The following LRP1B variants were observed in gnomAD, a reference collection of about 807,000 sequenced individuals.
LRP1B encodes low-density lipoprotein receptor-related protein 1B.
A neutral mutation model predicts 556.6 loss-of-function variants in LRP1B; 217 were observed. The observed-to-expected ratio is 0.39, with a 90% CI of 0.35 to 0.44. The LOEUF is 0.44. Among genes scored for constraint, LRP1B ranks in the 20% least tolerant of loss-of-function variants. The probability of loss-of-function intolerance (pLI) is 1.00; values close to 1 mark genes in which losing one functional copy is unlikely to be tolerated. For synonymous variants in LRP1B, 2,047 were observed against 1,865.8 expected (o/e 1.10, Z -2.50); for missense variants, 5,053 against 5,620.8 (o/e 0.90, Z 3.23).
intron 6 of LRP1B, among the ~76,000 whole-genome samples, chr2:141,221,010 G>T (rs1579100): frequency 0.089 from 13,512 of 152,150 alleles, 656 homozygotes; most frequent in South Asian, 0.13. Flanking sequence ...TAACAAGTCT[G>T]CAGAATAACC....
At chr2:140,404,167 T>A (rs1030428839) in intron 66 of LRP1B, among the ~76,000 whole-genome samples, 1 of 143,528 alleles carries the variant, frequency 7.0e-6, no homozygotes, top group Non-Finnish European at 1.5e-5. Context: ...AAATAGAACT[T>A]CTTTTTTTTT....
chr2:142,113,495 A>T (rs1336586428), intron 1 of LRP1B, among the ~76,000 whole-genome samples: 1 of 151,750 alleles, frequency 6.6e-6, no homozygotes, highest in Non-Finnish European at 1.5e-5. Context: ...CCACAAAAAA[A>T]AAAATGTAGC....
intron 45 of LRP1B, among the ~76,000 whole-genome samples, chr2:140,538,291 C>T (rs1341484826): frequency 3.9e-5 from 6 of 151,986 alleles, no homozygotes; most frequent in Non-Finnish European, 8.8e-5. Flanking sequence ...CTACATGATA[C>T]TGAGGTTTAA....
At position 141,521,373 on chromosome 2, in the gene LRP1B, TC is replaced by T. The variant is rs571418856; in HGVS notation, c.206-40841del. On this transcript the variant is annotated intron_variant, in intron 2 of 90. Coordinates refer to ENST00000389484, the MANE Select transcript of LRP1B (RefSeq NM_018557.3). ...AGTGTGAGGTTTCCAGTTTGTTCCT[TC>T]CTACCTTTCTTCCTCCCTCTTTTCC... Among the ~76,000 whole-genome samples the T allele has an allele frequency of 3.6e-4, 55 of 152,210 alleles. No homozygotes were observed. In the East Asian group the frequency reaches 0.011, roughly 29 times the overall value.
intron 12 of LRP1B, among the ~76,000 whole-genome samples, chr2:141,016,397 GAC>G (rs955014706): frequency 5.3e-5 from 8 of 152,178 alleles, no homozygotes; most frequent in African/African-American, 1.9e-4. Context: ...GATTCTTTAA[GAC>G]AGGTAATTGG....
intron 6 of LRP1B, among the ~76,000 whole-genome samples, chr2:141,214,667 G>A (rs1211320869): frequency 6.6e-6 from 1 of 152,022 alleles, no homozygotes; most frequent in African/African-American, 2.4e-5. Flanking sequence ...GGAAGGTAGG[G>A]GAGACTCAAA....
In LRP1B at chr2:140,516,935, G is replaced by A. The variant is rs75124368; in HGVS notation, c.8103C>T (p.Cys2701=). Reference sequence around the variant, plus strand: ...CATCCTCACAATCTTTCTGACCATCGCATATCCAGGTATTCAAAATGCATC... The same window carrying A: ...CATCCTCACAATCTTTCTGACCATCACATATCCAGGTATTCAAAATGCATC... ...SGRCILNTWI[C]DGQKDCEDGR... The change falls in exon 50 of 91, where the codon TGC becomes TGT. Residue 2701 remains cysteine, a synonymous_variant. Coordinates refer to ENST00000389484, the MANE Select transcript of LRP1B (RefSeq NM_018557.3). 0.012 allele frequency: 19,648 copies of A among 1,611,620 alleles called. 147 individuals carry two copies. The highest frequency in any genetic ancestry group is 0.015 in the Non-Finnish European group (17,934 of 1,178,142).
chr2:141,115,081 C>A (rs1440253816), intron 7 of LRP1B, among the ~76,000 whole-genome samples: 1 of 151,544 alleles, frequency 6.6e-6, no homozygotes, highest in African/African-American at 2.4e-5. Flanking sequence ...CTAGAACTTG[C>A]ACATATTTTG....
intron 3 of LRP1B, among the ~76,000 whole-genome samples, chr2:141,401,326 C>T (rs1007877312): frequency 6.6e-6 from 1 of 152,124 alleles, no homozygotes; most frequent in African/African-American, 2.4e-5. Flanking sequence ...TATTATTACT[C>T]TTTTACAAAC....
In LRP1B at chr2:141,876,082, TA is replaced by T. The variant is rs1698748957; in HGVS notation, c.83-65682del. 5.3e-5 allele frequency among the ~76,000 whole-genome samples: 8 copies of T among 152,090 alleles called. No individual in the cohort carries two copies. In the South Asian group the frequency reaches 1.7e-3, roughly 31 times the overall value. On this transcript the variant is annotated intron_variant, in intron 1 of 90. Transcript: ENST00000389484. The stretch of plus-strand genomic sequence containing the variant: ...AAGAACAGGTGAATAAAATAAGTCT[TA>T]AAAAATTTCCATTTTTAACTGTCAG...
intron 2 of LRP1B, among the ~76,000 whole-genome samples, chr2:141,638,646 C>T (rs572298910): frequency 3.5e-5 from 4 of 114,032 alleles, no homozygotes; most frequent in South Asian, 2.6e-4. Context: ...CAGAGCACCA[C>T]GCAGACTGAG....
At chr2:140,330,210 A>ATAAT (rs1316359237) in intron 79 of LRP1B, among the ~76,000 whole-genome samples, 1 of 115,916 alleles carries the variant, frequency 8.6e-6, no homozygotes, top group Non-Finnish European at 1.9e-5. Context: ...AATAATAATA[A>ATAAT]TAATAATAAT....
chr2:140,261,047 A>G, intron 86 of LRP1B, among the ~76,000 whole-genome samples: 1 of 123,022 alleles, frequency 8.1e-6, no homozygotes, highest in Non-Finnish European at 1.7e-5. Flanking sequence ...AGATATATAT[A>G]TATGTGTGTG....
chr2:141,895,446 T>A (rs1699424415), intron 1 of LRP1B, among the ~76,000 whole-genome samples: 1 of 152,202 alleles, frequency 6.6e-6, no homozygotes, highest in Admixed American at 6.5e-5. Context: ...CTTACTATCT[T>A]TTGATTTGGT....
chr2:141,140,977 A>G (rs926272771), intron 7 of LRP1B, among the ~76,000 whole-genome samples: 2 of 152,166 alleles, frequency 1.3e-5, no homozygotes, highest in Admixed American at 6.6e-5. Context: ...CCTTCGAGGT[A>G]GAGGGTGGAG....
At chr2:140,644,731 C>T (rs2105306989) in intron 41 of LRP1B, among the ~76,000 whole-genome samples, 2 of 152,126 alleles carry the variant, frequency 1.3e-5, no homozygotes, top group South Asian at 4.1e-4. Context: ...TTTTAACAAA[C>T]ATAGGACTAC....
chr2:141,058,849 A>T (rs1252450758), intron 9 of LRP1B, 34 bp downstream of exon 9: 5 of 1,529,902 alleles, frequency 3.3e-6, no homozygotes, highest in Non-Finnish European at 4.4e-6. Context: ...TCAATCTACC[A>T]TTAGGAAGGT....
rs1233501699 is a variant in LRP1B, at chr2:140,326,684, T to TGAGA, written c.12224-810_12224-807dup. ...GCTGAGATCAGCCTAGGCAACAGAG[T>TGAGA]GAGACCCCCTGCCTCAAAAAAAAAA... On this transcript the variant is annotated intron_variant, in intron 79 of 90. Transcript: ENST00000389484. Among the ~76,000 whole-genome samples, 7 of 149,690 alleles carry TGAGA rather than the reference T, an allele frequency of 4.7e-5. No homozygotes were observed. The South Asian group carries it at 6.3e-4, about 13-fold the overall frequency.
chr2:140,330,365 T>C (rs1680743715), intron 79 of LRP1B, among the ~76,000 whole-genome samples: 1 of 151,688 alleles, frequency 6.6e-6, no homozygotes, highest in South Asian at 2.1e-4. Context: ...GCTATGGTAC[T>C]GGTACAGACA....
Sources: allele counts gnomAD v4.1 joint callset (sites outside exome capture counted in the v4.1 genomes callset), GRCh38; gene constraint gnomAD v4.1.1; transcripts MANE v1.5; gene names NCBI Gene and HGNC (gene_info 2026-07-23, HGNC 2026-07-21).